CSF2RB: variants seen among roughly 807,000 people sequenced by gnomAD.
The protein encoded by CSF2RB is cytokine receptor common subunit beta.
In CSF2RB, 22 loss-of-function variants were observed where a neutral mutation model predicts 67.2. The observed-to-expected ratio is 0.33, with a 90% confidence interval of 0.23 to 0.47. The LOEUF is 0.47. Ranked by LOEUF, CSF2RB falls within the 20% of genes least tolerant of loss-of-function variation. CSF2RB has a pLI of 1.00. For synonymous variants in CSF2RB, 507 were observed against 482.9 expected (o/e 1.05, Z -0.65); for missense variants, 1,113 against 1,174.5 (o/e 0.95, Z 0.76).
Position 36,929,510 on chromosome 22 carries a change from G to A in CSF2RB, c.500G>A (p.Gly167Glu). ...GSPQSHWLSP[G>E]DLEFEVVYKR... ...CCCCAGAGCCACTGGTTGTCCCCAG[G>A]GGATCTGGAGTTTGAGGTGGTCTAC... The change falls in exon 5 of 14, where the codon GGG becomes GAG. Residue 167 changes from glycine to glutamate, a missense_variant. Around this residue, in one of 2 missense-constraint regions of CSF2RB, gnomAD observed 559 missense variants for 656.5 expected, o/e 0.85. Coordinates refer to ENST00000403662, the MANE Select transcript of CSF2RB (RefSeq NM_000395.3). 6.2e-7 allele frequency: 1 copy of A among 1,614,170 alleles called. No individual in the cohort carries two copies. The highest frequency in any genetic ancestry group is 8.5e-7 in the Non-Finnish European group (1 of 1,180,022).
chr22:36,922,777 T>C (rs1480862355), intron 2 of CSF2RB: 1 of 281,710 alleles, frequency 3.5e-6, no homozygotes, highest in Non-Finnish European at 6.9e-6. Flanking sequence ...GCTTCTGTGA[T>C]AATGCTGGGA....
chr22:36,938,407 C>T lies in CSF2RB; in HGVS notation c.2599C>T (p.Gln867Ter). ...VKKPPGQAVP[Q>*]VPVIQLFKAL... ...GAAGCCCCCAGGCCAGGCTGTGCCC[C>T]AGGTGCCCGTCATTCAGCTCTTCAA... The change falls in exon 14 of 14, where the codon CAG becomes TAG. Residue 867 changes from glutamine (Q) to a stop codon, truncating the protein, a stop_gained. Coordinates refer to ENST00000403662, the MANE Select transcript of CSF2RB (RefSeq NM_000395.3). LOFTEE classifies it low-confidence loss of function (END_TRUNC). 6.2e-7 allele frequency: 1 copy of T among 1,614,200 alleles called. No individual in the cohort carries two copies. Among genetic ancestry groups the T allele is most frequent in the Non-Finnish European group, 8.5e-7 (1 of 1,180,024 alleles).
chr22:36,915,792 T>A (rs1940704702), intron 1 of CSF2RB, among the ~76,000 whole-genome samples: 1 of 152,190 alleles, frequency 6.6e-6, no homozygotes. Flanking sequence ...AAATTATCAA[T>A]CTTCTAATTT....
chr22:36,928,518 A>G (rs1941074508), intron 4 of CSF2RB, among the ~76,000 whole-genome samples: 1 of 152,170 alleles, frequency 6.6e-6, no homozygotes, highest in South Asian at 2.1e-4. Context: ...AGCAGAGAGC[A>G]CTTACATCCT....
Position 36,938,310 on chromosome 22 carries a change from G to T in CSF2RB, c.2502G>T (p.Ser834=), listed in dbSNP as rs16997520. The change falls in exon 14 of 14, where the codon TCG becomes TCT. Residue 834 remains serine, a synonymous_variant. Transcript: ENST00000403662. ...CCGGCCTGGGGCCCGGCCCTCTCTC[G>T]CTCCGGAGTAAACCTTCTTCCCCGG... ...FLPGLGPGPL[S]LRSKPSSPGP... is the part of the protein sequence containing the mutation. 1,338 of 1,614,112 alleles carry T rather than the reference G, an allele frequency of 8.3e-4. 5 individuals are homozygous for T. The African/African-American group carries it at 0.013, about 16-fold the overall frequency.
intron 8 of CSF2RB, among the ~76,000 whole-genome samples, chr22:36,931,513 G>A (rs1331331603): frequency 1.3e-5 from 2 of 152,344 alleles, no homozygotes; most frequent in East Asian, 1.9e-4. Context: ...TATAATGCCT[G>A]GCACATAAGA....
chr22:36,940,362 A>C lies in CSF2RB; in HGVS notation c.*1860A>C, dbSNP rs1490385828. The stretch of plus-strand genomic sequence containing the variant: ...AGATGAACCAATGTGGATTAGAAAG[A>C]AGTCCGAGATATTAATTCCAAAATA... On this transcript the variant is annotated 3_prime_UTR_variant, in exon 14 of 14. Coordinates refer to ENST00000403662, the MANE Select transcript of CSF2RB (RefSeq NM_000395.3). 2.0e-5 allele frequency: 3 copies of C among 152,256 alleles called. No individual in the cohort carries two copies. Among genetic ancestry groups the C allele is most frequent in the Non-Finnish European group, 4.4e-5 (3 of 68,054 alleles). 9.4% of individuals were successfully genotyped at this position (152,256 alleles called of 1,614,324 possible).
Position 36,922,066 on chromosome 22 carries a change from G to T in CSF2RB, c.-142G>T. 1.4e-6 allele frequency: 1 copy of T among 717,062 alleles called. No individual in the cohort carries two copies. The highest frequency in any genetic ancestry group is 2.4e-6 in the Non-Finnish European group (1 of 412,310). The allele number at this position is 717,062 out of a possible 1,614,324, so 44.4% of individuals were successfully genotyped here. On this transcript the variant is annotated 5_prime_UTR_variant, in exon 2 of 14. In the 5' UTR this introduces an upstream ATG that the reference lacks. Transcript: ENST00000403662. ...GAGGAGGCAGAGGCCAGGAGGGAGA[G>T]GTCCCAAGAGCCTGTGAAATGGGTC...
chr22:36,930,315 C>A, intron 6 of CSF2RB, 60 bp from the exon 7 acceptor site: 5 of 1,610,092 alleles, frequency 3.1e-6, no homozygotes, highest in Non-Finnish European at 3.4e-6. Flanking sequence ...CGGTGGGCAC[C>A]CACTGAGAGC....
intron 12 of CSF2RB, 93 bp downstream of exon 12, chr22:36,935,780 T>G (rs1941254152): frequency 1.4e-6 from 2 of 1,406,342 alleles, no homozygotes; most frequent in Non-Finnish European, 2.0e-6. Flanking sequence ...CCTGTGGGCT[T>G]TGGGTGGTAG....
intron 1 of CSF2RB, among the ~76,000 whole-genome samples, chr22:36,921,465 T>TTG (rs148312934): frequency 0.018 from 2,656 of 150,926 alleles, 66 homozygotes; most frequent in African/African-American, 0.06. Context: ...GTCCGTGTGC[T>TTG]TGTGTGTGTG....
intron 3 of CSF2RB, 141 bp from the exon 4 acceptor site, chr22:36,925,846 C>T (rs370112292): frequency 3.6e-5 from 33 of 904,374 alleles, no homozygotes; most frequent in South Asian, 3.4e-4. Flanking sequence ...ATGGCAGCTC[C>T]GTGGGCAGGA....
intron 3 of CSF2RB, chr22:36,923,765 G>A (rs767414935): frequency 1.5e-6 from 2 of 1,295,636 alleles, no homozygotes; most frequent in East Asian, 5.4e-5. Context: ...GTAGACCAAG[G>A]AGAGATGGCG....
At chr22:36,928,160 C>T (rs1296167079) in intron 4 of CSF2RB, among the ~76,000 whole-genome samples, 2 of 152,170 alleles carry the variant, frequency 1.3e-5, no homozygotes, top group African/African-American at 4.8e-5. Context: ...AGGCGACAGG[C>T]ATGCATCTGA....
In CSF2RB at chr22:36,938,164, C is replaced by G. The variant is rs373244465; in HGVS notation, c.2356C>G (p.Pro786Ala). The G allele has an allele frequency of 6.2e-6, 10 of 1,614,128 alleles. No individual in the cohort carries two copies. The highest frequency in any genetic ancestry group is 8.5e-6 in the Non-Finnish European group (10 of 1,179,998). ...SPRSPRNNPV[P>A]PEAKSPVLNP... Reference sequence around the variant, plus strand: ...CAGGTCACCAAGGAACAATCCTGTCCCCCCTGAGGCCAAAAGCCCTGTCCT... The same window carrying G: ...CAGGTCACCAAGGAACAATCCTGTCGCCCCTGAGGCCAAAAGCCCTGTCCT... Residue 786 changes from proline (P) to alanine (A), a missense_variant, in exon 14 of 14, where the codon CCC (proline) becomes GCC (alanine). Physicochemically the swap from Pro to Ala is conservative, Grantham distance 27. This residue lies in a region of CSF2RB where 554 missense variants were observed against 517.9 expected (regional missense o/e 1.07). Transcript: ENST00000403662.
At position 36,923,331 on chromosome 22, in the gene CSF2RB, G is replaced by A. The variant is rs370000670; in HGVS notation, c.164G>A (p.Arg55Gln). The change falls in exon 3 of 14, where the codon CGG (arginine) becomes CAG (glutamine). Residue 55 changes from arginine (R) to glutamine (Q), a missense_variant. By Grantham distance (43) the Arg-to-Gln change is conservative. Transcript: ENST00000403662. Reference sequence around the variant, plus strand: ...TGGGCAGACACCCAGGATGCCCAGCGGCTCGTCAACGTGACCCTCATTCGC... The same window carrying A: ...TGGGCAGACACCCAGGATGCCCAGCAGCTCGTCAACGTGACCCTCATTCGC... ...CRWADTQDAQ[R>Q]LVNVTLIRRV... 11 of 1,614,044 alleles carry A rather than the reference G, an allele frequency of 6.8e-6. No individual in the cohort carries two copies. Among genetic ancestry groups the A allele is most frequent in the East Asian group, 2.2e-5 (1 of 44,878 alleles).
intron 4 of CSF2RB, among the ~76,000 whole-genome samples, chr22:36,926,946 C>A (rs1204947778): frequency 6.6e-6 from 1 of 151,796 alleles, no homozygotes; most frequent in Non-Finnish European, 1.5e-5. Context: ...CATTGGGAGT[C>A]TCAGAACCAC....
intron 1 of CSF2RB, among the ~76,000 whole-genome samples, chr22:36,918,791 C>T (rs766869846): frequency 1.7e-4 from 26 of 152,224 alleles, no homozygotes; most frequent in Non-Finnish European, 3.2e-4. Flanking sequence ...GTAGCAGTTT[C>T]AGGCTAGTAT....
At chr22:36,932,989 G>C (rs1045729460) in intron 9 of CSF2RB, 85 bp downstream of exon 9, 14 of 1,558,678 alleles carry the variant, frequency 9.0e-6, no homozygotes, top group Non-Finnish European at 8.7e-6. Flanking sequence ...CCTGCAAGGC[G>C]TCGGGCCCTT....
Sources: allele counts gnomAD v4.1 joint callset (sites outside exome capture counted in the v4.1 genomes callset), GRCh38; gene constraint gnomAD v4.1.1; regional missense constraint gnomAD v4.1.1; transcripts MANE v1.5; gene names NCBI Gene and HGNC (gene_info 2026-07-23, HGNC 2026-07-21).